SGMS1: variants seen among roughly 807,000 people sequenced by gnomAD.
SGMS1 encodes the protein phosphatidylcholine:ceramide cholinephosphotransferase 1.
A neutral mutation model predicts 46.2 loss-of-function variants in SGMS1; 13 were observed. The observed-to-expected ratio is 0.28, with a 90% CI of 0.18 to 0.45. The LOEUF (loss-of-function observed/expected upper bound fraction) is 0.45, where lower values mean the gene tolerates loss of function less well. Among genes scored for constraint, SGMS1 ranks in the 20% least tolerant of loss-of-function variants. SGMS1 has a pLI of 1.00. For synonymous variants in SGMS1, 203 were observed against 187.8 expected (o/e 1.08, Z -0.66); for missense variants, 324 against 519.9 (o/e 0.62, Z 3.66).
At chr10:50,621,103 A>G (rs187249343) in intron 1 of SGMS1, among the ~76,000 whole-genome samples, 26 of 152,222 alleles carry the variant, frequency 1.7e-4, no homozygotes, top group African/African-American at 5.3e-4. Context: ...CTGAGCCTGG[A>G]GAGTTCAAAG....
At chr10:50,427,841 A>G (rs1849348984) in intron 6 of SGMS1, among the ~76,000 whole-genome samples, 1 of 152,206 alleles carries the variant, frequency 6.6e-6, no homozygotes, top group Admixed American at 6.5e-5. Context: ...CATTTATAGA[A>G]TTCAAACCTT....
chr10:50,579,935 T>C (rs1160273124), intron 2 of SGMS1, among the ~76,000 whole-genome samples: 1 of 152,152 alleles, frequency 6.6e-6, no homozygotes, highest in Non-Finnish European at 1.5e-5. Context: ...CCAGGTAAGA[T>C]TTCTCCGAGA....
At chr10:50,377,606 C>T (rs1848538380) in intron 6 of SGMS1, among the ~76,000 whole-genome samples, 1 of 152,182 alleles carries the variant, frequency 6.6e-6, no homozygotes, top group Admixed American at 6.5e-5. Flanking sequence ...CTATCTTGAA[C>T]TGCAATGGGT....
chr10:50,343,583 T>C lies in SGMS1; in HGVS notation c.532A>G (p.Asn178Asp). The C allele has an allele frequency of 6.2e-7, 1 of 1,614,110 alleles. No homozygotes were observed. The highest frequency in any genetic ancestry group is 1.1e-5 in the South Asian group (1 of 91,072). ...ATAGAAAAGGCCCACTGCACCCGGT[T>C]AAAATGGTCAAAAAATGTGTCCGGT... Reference protein sequence around the residue: ...PLPDTFFDHFNRVQWAFSICE... With the variant: ...PLPDTFFDHFDRVQWAFSICE... Residue 178 changes from asparagine (N) to aspartate (D), a missense_variant, in exon 7 of 11, where the codon AAC becomes GAC. By Grantham distance (23) the Asn-to-Asp change is conservative. This residue lies in a region of SGMS1 where 174 missense variants were observed against 350.1 expected (regional missense o/e 0.50). Coordinates refer to ENST00000361781, the MANE Select transcript of SGMS1 (RefSeq NM_147156.4).
intron 2 of SGMS1, among the ~76,000 whole-genome samples, chr10:50,578,289 C>T (rs1198260062): frequency 2.0e-5 from 3 of 152,142 alleles, no homozygotes; most frequent in Non-Finnish European, 4.4e-5. Flanking sequence ...CTTTAGCCTG[C>T]GGGAATGCCC....
At chr10:50,500,748 G>GTT (rs1289621333) in intron 3 of SGMS1, among the ~76,000 whole-genome samples, 1 of 152,068 alleles carries the variant, frequency 6.6e-6, no homozygotes, top group Non-Finnish European at 1.5e-5. Context: ...CTTGGCTAAC[G>GTT]TAAGTCCATA....
chr10:50,588,721 A>ATTTTT (rs71029314), intron 2 of SGMS1, among the ~76,000 whole-genome samples: 6 of 92,220 alleles, frequency 6.5e-5, no homozygotes, highest in Admixed American at 1.3e-4. Context: ...GACTGATCTA[A>ATTTTT]TTTTTTTTTT....
intron 6 of SGMS1, among the ~76,000 whole-genome samples, chr10:50,416,188 T>C (rs1217095923): frequency 2.0e-5 from 3 of 152,204 alleles, no homozygotes; most frequent in Non-Finnish European, 4.4e-5. Context: ...CTGGATCATT[T>C]TAAACAGAAA....
intron 3 of SGMS1, among the ~76,000 whole-genome samples, chr10:50,495,538 T>C (rs1342253676): frequency 6.6e-6 from 1 of 152,126 alleles, no homozygotes. Flanking sequence ...GCTCCCAATA[T>C]TTAAATGTAC....
chr10:50,394,246 C>T (rs1466577314), intron 6 of SGMS1, among the ~76,000 whole-genome samples: 1 of 152,162 alleles, frequency 6.6e-6, no homozygotes, highest in African/African-American at 2.4e-5. Flanking sequence ...CTGGATTGAA[C>T]TTAAAGATTC....
At chr10:50,442,237 T>C (rs969433389) in intron 5 of SGMS1, among the ~76,000 whole-genome samples, 1 of 151,702 alleles carries the variant, frequency 6.6e-6, no homozygotes, top group African/African-American at 2.4e-5. Context: ...GTTTGTTACA[T>C]AGGTAAACTT....
chr10:50,553,019 T>A (rs1838161286), intron 2 of SGMS1, among the ~76,000 whole-genome samples: 1 of 152,192 alleles, frequency 6.6e-6, no homozygotes, highest in African/African-American at 2.4e-5. Context: ...GCCCTGCCAA[T>A]GCCTTGATTA....
chr10:50,540,109 A>G (rs1588870354), intron 2 of SGMS1, among the ~76,000 whole-genome samples: 1 of 152,228 alleles, frequency 6.6e-6, no homozygotes, highest in Non-Finnish European at 1.5e-5. Context: ...CCTGTATTAG[A>G]CTGGCATGAA....
chr10:50,579,502 T>G (rs1445141635), intron 2 of SGMS1, among the ~76,000 whole-genome samples: 1 of 151,742 alleles, frequency 6.6e-6, no homozygotes, highest in Non-Finnish European at 1.5e-5. Flanking sequence ...GAGAAAAAAG[T>G]AAGAAAAATG....
At chr10:50,582,726 C>G (rs1243130857) in intron 2 of SGMS1, among the ~76,000 whole-genome samples, 1 of 152,194 alleles carries the variant, frequency 6.6e-6, no homozygotes, top group African/African-American at 2.4e-5. Context: ...GACCAACGTT[C>G]AAGTGGAATA....
intron 5 of SGMS1, among the ~76,000 whole-genome samples, chr10:50,458,701 T>G (rs1837227582): frequency 6.6e-6 from 1 of 152,098 alleles, no homozygotes; most frequent in Non-Finnish European, 1.5e-5. Flanking sequence ...AGTTTCACAA[T>G]ATTATAAACC....
chr10:50,470,079 G>A (rs72801779), intron 3 of SGMS1, among the ~76,000 whole-genome samples: 85 of 152,278 alleles, frequency 5.6e-4, no homozygotes, highest in Middle Eastern at 3.4e-3. Flanking sequence ...ATGGACACAC[G>A]ATGTGGAAAT....
At chr10:50,594,199 A>G (rs959359437) in intron 1 of SGMS1, among the ~76,000 whole-genome samples, 20 of 152,230 alleles carry the variant, frequency 1.3e-4, no homozygotes, top group African/African-American at 4.8e-4. Flanking sequence ...CAAAGCAGTG[A>G]CCTAGACAGC....
chr10:50,398,860 A>T (rs1848888385), intron 6 of SGMS1, among the ~76,000 whole-genome samples: 1 of 152,128 alleles, frequency 6.6e-6, no homozygotes, highest in African/African-American at 2.4e-5. Flanking sequence ...TCTAGCTAGG[A>T]GTTGTATATA....
Sources: gnomAD v4.1 joint callset for allele counts (sites outside exome capture counted in the v4.1 genomes callset) on GRCh38, gnomAD v4.1.1 for gene constraint, gnomAD v4.1.1 regional missense constraint, MANE v1.5 for transcripts, NCBI Gene and HGNC (gene_info 2026-07-23, HGNC 2026-07-21) for gene names.